Variants in PTGER3 observed in about 807,000 individuals in gnomAD.
PTGER3 encodes the protein prostaglandin E receptor 3.
Under a neutral mutation model 34.7 loss-of-function variants are expected in PTGER3, and 22 were observed. The ratio of observed to expected loss-of-function variants is 0.63; its 90% CI spans 0.45 to 0.91. The LOEUF (loss-of-function observed/expected upper bound fraction) is 0.91. Ranked by LOEUF, PTGER3 falls within the 40% of genes least tolerant of loss-of-function variation. The pLI is 0.00. For missense variants in PTGER3, 468 were observed against 519.4 expected (o/e 0.90, Z 0.96); for synonymous variants, 241 against 230.1 (o/e 1.05, Z -0.43).
rs80318107 is a variant in PTGER3, at chr1:71,044,518, T to A, written c.897+2163A>T. Among the ~76,000 whole-genome samples, 45 of 151,896 alleles carry A rather than the reference T, an allele frequency of 3.0e-4. No homozygotes were observed. The East Asian group carries it at 8.2e-3, about 28-fold the overall frequency. On this transcript the variant is annotated intron_variant, in intron 1 of 3. Coordinates refer to ENST00000306666, the MANE Select transcript of PTGER3 (RefSeq NM_198719.2). Reference sequence around the variant, plus strand: ...TTTAATGTTTTTATAATTGAATTAATAAAGTACCCAGTAAAATGCTATAAA... The same window carrying A: ...TTTAATGTTTTTATAATTGAATTAAAAAAGTACCCAGTAAAATGCTATAAA...
At chr1:71,043,127 G>C (rs1660459197) in intron 1 of PTGER3, among the ~76,000 whole-genome samples, 1 of 152,106 alleles carries the variant, frequency 6.6e-6, no homozygotes, top group Admixed American at 6.5e-5. Context: ...TAGCTATCAG[G>C]TCAAACAACT....
chr1:71,042,683 T>C (rs775418409), intron 1 of PTGER3, among the ~76,000 whole-genome samples: 13 of 152,182 alleles, frequency 8.5e-5, no homozygotes, highest in Non-Finnish European at 1.9e-4. Flanking sequence ...TAAAACAACA[T>C]TATTTCTGAA....
At chr1:70,933,507 A>G (rs1648921056) in intron 4 of PTGER3, among the ~76,000 whole-genome samples, 2 of 152,192 alleles carry the variant, frequency 1.3e-5, no homozygotes, top group Non-Finnish European at 2.9e-5. Flanking sequence ...TTCCCCAAAT[A>G]AACATCATTA....
intron 4 of PTGER3, among the ~76,000 whole-genome samples, chr1:70,921,807 A>G (rs948277233): frequency 4.6e-5 from 7 of 152,090 alleles, no homozygotes; most frequent in Admixed American, 1.3e-4. Flanking sequence ...CCTGGCTTGG[A>G]AAATTGGTCC....
intron 2 of PTGER3, chr1:71,010,204 G>A: frequency 1.6e-5 from 16 of 983,978 alleles, no homozygotes; most frequent in Non-Finnish European, 1.9e-5. Context: ...ACTATCATTT[G>A]GAAGTATCAG....
chr1:70,887,146 C>T (rs779293571), intron 4 of PTGER3, among the ~76,000 whole-genome samples: 16 of 152,232 alleles, frequency 1.1e-4, no homozygotes, highest in South Asian at 2.1e-4. Flanking sequence ...ATGGTGAGGG[C>T]TTGAGAACAG....
At chr1:70,972,409 T>G (rs847734) in intron 3 of PTGER3, among the ~76,000 whole-genome samples, 1 of 151,904 alleles carries the variant, frequency 6.6e-6, no homozygotes, top group East Asian at 1.9e-4. Flanking sequence ...AGCAAATTTT[T>G]TCACACACGG....
chr1:71,034,232 A>G (rs1659636365), intron 1 of PTGER3, among the ~76,000 whole-genome samples: 1 of 152,146 alleles, frequency 6.6e-6, no homozygotes, highest in African/African-American at 2.4e-5. Context: ...GCAGGGAAAA[A>G]CTGTTAAAGT....
chr1:70,888,280 G>T (rs1245052527), intron 4 of PTGER3, among the ~76,000 whole-genome samples: 1 of 152,168 alleles, frequency 6.6e-6, no homozygotes, highest in African/African-American at 2.4e-5. Flanking sequence ...CATTTAAAAG[G>T]ATAAATAATA....
At chr1:70,916,080 G>T (rs573715260) in intron 4 of PTGER3, among the ~76,000 whole-genome samples, 24 of 151,964 alleles carry the variant, frequency 1.6e-4, no homozygotes, top group African/African-American at 5.5e-4. Context: ...TAAAGACCAT[G>T]AACAGAACTT....
At chr1:70,941,164 G>T (rs1225469192) in intron 4 of PTGER3, among the ~76,000 whole-genome samples, 1 of 152,100 alleles carries the variant, frequency 6.6e-6, no homozygotes, top group East Asian at 1.9e-4. Flanking sequence ...ATAAAGAGTT[G>T]TCAAGTCTAA....
chr1:70,877,406 T>C (rs899895047), intron 4 of PTGER3, among the ~76,000 whole-genome samples: 10 of 152,132 alleles, frequency 6.6e-5, no homozygotes, highest in African/African-American at 2.2e-4. Context: ...CAAACTGATA[T>C]AGTTTGACTT....
chr1:70,873,578 T>C (rs1195313449), intron 4 of PTGER3, among the ~76,000 whole-genome samples: 1 of 147,052 alleles, frequency 6.8e-6, no homozygotes, highest in East Asian at 2.0e-4. Context: ...ATTTTAATTT[T>C]CATAGGTTTT....
At chr1:70,888,284 A>G (rs1393298476) in intron 4 of PTGER3, among the ~76,000 whole-genome samples, 3 of 152,310 alleles carry the variant, frequency 2.0e-5, no homozygotes, top group African/African-American at 7.2e-5. Context: ...TAAAAGGATA[A>G]ATAATAGGCT....
chr1:70,877,676 AT>A (rs1182935188), intron 4 of PTGER3, among the ~76,000 whole-genome samples: 1 of 152,100 alleles, frequency 6.6e-6, no homozygotes, highest in Non-Finnish European at 1.5e-5. Context: ...GCTGACTTTT[AT>A]TGGAGAGCTT....
chr1:70,892,038 C>T (rs1394809324), intron 4 of PTGER3, among the ~76,000 whole-genome samples: 1 of 152,164 alleles, frequency 6.6e-6, no homozygotes, highest in Non-Finnish European at 1.5e-5. Context: ...GCTTCCTAGA[C>T]CAGCTACTTA....
chr1:70,972,238 G>A (rs1398986445), intron 3 of PTGER3, among the ~76,000 whole-genome samples: 9 of 152,156 alleles, frequency 5.9e-5, no homozygotes, highest in South Asian at 4.2e-4. Context: ...CAGGAGAATC[G>A]CTTGAATCTG....
chr1:71,033,998 TAAAA>T (rs1194864064), intron 1 of PTGER3, among the ~76,000 whole-genome samples: 2 of 152,062 alleles, frequency 1.3e-5, no homozygotes, highest in Admixed American at 1.3e-4. Flanking sequence ...CTTTAAAAAT[TAAAA>T]AAACCTTTAA....
rs1164234335 is a variant in PTGER3, at chr1:70,861,744, G to A, written c.*24-8885C>T. 2.0e-5 allele frequency among the ~76,000 whole-genome samples: 3 copies of A among 151,586 alleles called. No homozygotes were observed. The East Asian group carries it at 5.8e-4, about 29-fold the overall frequency. On this transcript the variant is annotated intron_variant, in intron 4 of 4. Transcript: ENST00000370931. ...CTTCTCTGTATGGTATCTGCAGCTT[G>A]CTGTGTGTTTCTCTCTCAGAATATT...
Sources: gnomAD v4.1 joint callset for allele counts (sites outside exome capture counted in the v4.1 genomes callset) on GRCh38, gnomAD v4.1.1 for gene constraint, MANE v1.5 for transcripts, NCBI Gene and HGNC (gene_info 2026-07-23, HGNC 2026-07-21) for gene names.